CENPI: variants seen among roughly 807,000 people sequenced by gnomAD.
CENPI encodes FSH primary response 1.
Under a neutral mutation model 60.4 loss-of-function variants are expected in CENPI, and 4 were observed. The observed-to-expected ratio is 0.07, with a 90% confidence interval of 0.03 to 0.15. The LOEUF (loss-of-function observed/expected upper bound fraction) is 0.15, where lower values mean the gene tolerates loss of function less well. CENPI is among the 10% of genes least tolerant of loss of function. CENPI has a pLI of 1.00. For synonymous variants in CENPI, 157 were observed against 189.4 expected, an observed-to-expected ratio of 0.83 and a Z score of 1.40; for missense variants, 444 against 534.5, an observed-to-expected ratio of 0.83 and a Z score of 1.67.
intron 4 of CENPI, among the ~76,000 whole-genome samples, chrX:101,108,677 C>G (rs2089515233): frequency 9.4e-6 from 1 of 106,439 alleles, no homozygotes; most frequent in Non-Finnish European, 1.9e-5. Context: ...GAGGGTCTCA[C>G]TCTGTCACCC....
At chrX:101,147,467 G>T (rs949561315) in intron 18 of CENPI, among the ~76,000 whole-genome samples, 1 of 107,987 alleles carries the variant, frequency 9.3e-6, no homozygotes, top group African/African-American at 3.4e-5. Flanking sequence ...TCCCATTTAT[G>T]AGTGAGAACT....
At chrX:101,170,423 G>T (rs1354040381), downstream of CENPI, among the ~76,000 whole-genome samples, 2 of 111,572 alleles carry the variant, frequency 1.8e-5, no homozygotes, top group Non-Finnish European at 3.8e-5. Context: ...TACATAAAAA[G>T]AATTATACTT....
chrX:101,109,462 C>T lies in CENPI; in HGVS notation c.365-11C>T, dbSNP rs1452965476. ...TAAAATGTAGTTTAATTTAGCTTGT[C>T]TCCTTTCCAGGAAATGCTGTAAACA... On this transcript the variant is annotated splice_polypyrimidine_tract_variant and intron_variant, in intron 4 of 21. Transcript: ENST00000682095. 8.8e-7 allele frequency: 1 copy of T among 1,138,891 alleles called. No homozygotes were observed. The highest frequency in any genetic ancestry group is 1.8e-5 in the African/African-American group (1 of 56,324). 93.9% of individuals were successfully genotyped at this position (1,138,891 alleles called of 1,213,427 possible).
chrX:101,169,962 T>A (rs1333176956), downstream of CENPI, among the ~76,000 whole-genome samples: 2 of 112,495 alleles, frequency 1.8e-5, no homozygotes. Context: ...TAAAAAATTT[T>A]AAAATTTTAA....
At chrX:101,145,587 C>T (rs903582611) in intron 17 of CENPI, among the ~76,000 whole-genome samples, 14 of 109,052 alleles carry the variant, frequency 1.3e-4, no homozygotes, top group African/African-American at 3.0e-4. Context: ...CTACCTAGTA[C>T]GCTTTTATTG....
intron 2 of CENPI, chrX:101,098,898 A>G (rs1411331790): frequency 1.8e-5 from 2 of 110,958 alleles, no homozygotes; most frequent in Non-Finnish European, 3.8e-5. Context: ...TTCCCATGAC[A>G]TTTAAAATCC....
intron 4 of CENPI, among the ~76,000 whole-genome samples, chrX:101,108,747 G>A (rs910435444): frequency 2.7e-5 from 3 of 109,259 alleles, no homozygotes; most frequent in Non-Finnish European, 5.7e-5. Context: ...CTGGGCTCAG[G>A]TGTTTCCCCC....
At chrX:101,140,815 A>G in intron 16 of CENPI, 55 bp downstream of exon 16, 1 of 875,145 alleles carries the variant, frequency 1.1e-6, no homozygotes, top group Non-Finnish European at 1.7e-6. Context: ...ATGTTTGCAT[A>G]TGTTTAATAG....
chrX:101,140,670 G>A lies in CENPI; in HGVS notation c.1475G>A (p.Ser492Asn). The change falls in exon 16 of 22, where the codon AGT becomes AAT. Residue 492 changes from serine (S) to asparagine (N), a missense_variant. Ser to Asn is a conservative substitution (Grantham distance 46). Coordinates refer to ENST00000682095, the MANE Select transcript of CENPI (RefSeq NM_001386188.2). The part of the protein sequence containing the change: ...FFTSTIYFKC[S>N]VLQSLKELLQ... ...TTTTCATTTTGTCCCCCTCAGTGTA[G>A]TGTGCTTCAGAGTCTGAAAGAGCTA... The A allele has an allele frequency of 8.5e-7, 1 of 1,180,325 alleles. No homozygotes were observed. The highest frequency in any genetic ancestry group is 1.8e-5 in the South Asian group (1 of 56,084).
chrX:101,172,264 A>G, the CENPI span, among the ~76,000 whole-genome samples: 1 of 111,987 alleles, frequency 8.9e-6, no homozygotes, highest in African/African-American at 3.2e-5. Context: ...AAAATTTCAA[A>G]CATAGAGTAG....
chrX:101,107,364 T>C (rs1028701122), intron 4 of CENPI, among the ~76,000 whole-genome samples: 2 of 110,183 alleles, frequency 1.8e-5, no homozygotes, highest in Non-Finnish European at 3.8e-5. Flanking sequence ...TTTTCTTTTC[T>C]TTTTTTTGTG....
chrX:101,114,461 C>G (rs774181375), intron 6 of CENPI, among the ~76,000 whole-genome samples: 1 of 111,700 alleles, frequency 9.0e-6, no homozygotes, highest in Non-Finnish European at 1.9e-5. Context: ...TTTGCTATCA[C>G]TCCCATCTCT....
chrX:101,121,888 T>C (rs899302105), intron 8 of CENPI, among the ~76,000 whole-genome samples: 1 of 102,040 alleles, frequency 9.8e-6, no homozygotes, highest in Admixed American at 1.1e-4. Context: ...CTGCAACCTC[T>C]GTCTCCCGGG....
intron 18 of CENPI, among the ~76,000 whole-genome samples, chrX:101,146,863 T>A (rs2089966417): frequency 9.1e-6 from 1 of 110,318 alleles, no homozygotes; most frequent in African/African-American, 3.3e-5. Flanking sequence ...GCCTCCCGAG[T>A]AGCTGGGATT....
At chrX:101,098,319 T>C (rs1232355759) in intron 1 of CENPI, 71 bp downstream of exon 1, 1 of 112,183 alleles carries the variant, frequency 8.9e-6, no homozygotes, top group East Asian at 2.8e-4. Context: ...AGGGTGGGAC[T>C]ATCCTGCAAG....
the CENPI span, among the ~76,000 whole-genome samples, chrX:101,173,314 CT>C: frequency 3.9e-3 from 196 of 50,477 alleles, 3 homozygotes; most frequent in Admixed American, 0.038. Flanking sequence ...TGCCTGGCCT[CT>C]TTTTTTTTTT....
intron 8 of CENPI, among the ~76,000 whole-genome samples, chrX:101,125,537 C>T (rs1479646329): frequency 9.0e-6 from 1 of 111,175 alleles, no homozygotes; most frequent in Non-Finnish European, 1.9e-5. Flanking sequence ...GCTGGGACTA[C>T]AGGTGTGCAC....
chrX:101,125,582 G>T (rs775315671), intron 8 of CENPI, among the ~76,000 whole-genome samples: 5 of 110,786 alleles, frequency 4.5e-5, no homozygotes, highest in Non-Finnish European at 9.4e-5. Flanking sequence ...ATTTTTAGTA[G>T]AGATGGGGTT....
rs533672702 is a variant in CENPI, at chrX:101,113,282, TACACACACACACAC to T, written c.591+3312_591+3325del. On this transcript the variant is annotated intron_variant, in intron 6 of 21. Coordinates refer to ENST00000682095, the MANE Select transcript of CENPI (RefSeq NM_001386188.2). Reference sequence around the variant, plus strand: ...TTTACCTTGTTTTTCTCCATCCCTTTACACACACACACACACACACACACACACACACACACACA... The same window carrying T: ...TTTACCTTGTTTTTCTCCATCCCTTTACACACACACACACACACACACACA... Among the ~76,000 whole-genome samples the T allele has an allele frequency of 5.0e-3, 420 of 83,974 alleles. 5 individuals are homozygous for T. The highest frequency in any genetic ancestry group is 0.018 in the African/African-American group (398 of 21,873). 72.9% of individuals were successfully genotyped at this position (83,974 alleles called of 115,157 possible). A position where few individuals can be genotyped will look rare whatever the true frequency, so the allele number is the denominator to read the frequency against.
Sources: allele counts gnomAD v4.1 joint callset (sites outside exome capture counted in the v4.1 genomes callset), GRCh38; gene constraint gnomAD v4.1.1; transcripts MANE v1.5; gene names NCBI Gene and HGNC (gene_info 2026-07-23, HGNC 2026-07-21).